PPP1R2: variants seen among roughly 807,000 people sequenced by gnomAD.
PPP1R2 encodes protein phosphatase 1 regulatory inhibitor subunit 2.
A neutral mutation model predicts 29.9 loss-of-function variants in PPP1R2; 16 were observed. The observed-to-expected ratio is 0.53, with a 90% CI of 0.36 to 0.81. PPP1R2 has a LOEUF of 0.81. Among genes scored for constraint, PPP1R2 ranks in the 30% least tolerant of loss-of-function variants. The pLI, the probability that PPP1R2 is intolerant of heterozygous loss-of-function variation, is 0.00. For missense variants in PPP1R2, 197 were observed against 252.7 expected (o/e 0.78, Z 1.49); for synonymous variants, 76 against 91.5 (o/e 0.83, Z 0.96).
intron 1 of PPP1R2, 28 bp from the exon 2 acceptor site, chr3:195,529,929 C>T: frequency 1.3e-6 from 2 of 1,503,288 alleles, no homozygotes; most frequent in Non-Finnish European, 1.8e-6. Flanking sequence ...AAACGTTTTT[C>T]CCAATGCAGA....
rs1449502824 is a variant in PPP1R2, at chr3:195,532,211, TTTTC to T, written c.123-2314_123-2311del. 2.8e-3 allele frequency among the ~76,000 whole-genome samples: 277 copies of T among 97,592 alleles called. 1 individual carries two copies. The highest frequency in any genetic ancestry group is 9.3e-3 in the African/African-American group (259 of 27,796). 64.0% of individuals were successfully genotyped at this position (97,592 alleles called of 152,430 possible). A position where few individuals can be genotyped will look rare whatever the true frequency, so the allele number is the denominator to read the frequency against. The stretch of plus-strand genomic sequence containing the variant: ...ATGCCCAGCTAATTTTTCTTTTTCT[TTTTC>T]TTTTTTTTTTTTTTTTTTTACAGGT... On this transcript the variant is annotated intron_variant, in intron 1 of 5. Coordinates refer to ENST00000618156, the MANE Select transcript of PPP1R2 (RefSeq NM_006241.8).
At chr3:195,516,969 A>C in intron 5 of PPP1R2, 27 bp from the exon 6 acceptor site, 2 of 1,589,188 alleles carry the variant, frequency 1.3e-6, no homozygotes, top group Non-Finnish European at 1.7e-6. Context: ...AAAAGTCAAC[A>C]TAATTTGTTA....
chr3:195,515,285 AAAT>A lies in PPP1R2; in HGVS notation c.*1608_*1610del, dbSNP rs1331507482. 1.3e-5 allele frequency: 2 copies of A among 153,100 alleles called. No homozygotes were observed. The highest frequency in any genetic ancestry group is 2.9e-5 in the Non-Finnish European group (2 of 68,034). 9.5% of individuals were successfully genotyped at this position (153,100 alleles called of 1,614,324 possible). A position where few individuals can be genotyped will look rare whatever the true frequency, so the allele number is the denominator to read the frequency against. On this transcript the variant is annotated 3_prime_UTR_variant, in exon 6 of 6. Coordinates refer to ENST00000618156, the MANE Select transcript of PPP1R2 (RefSeq NM_006241.8). ...ATTATATATCTCATTCAAAAAATCA[AAAT>A]AATGGCCACATTCTTCTAACAGCAA...
In PPP1R2 at chr3:195,517,661, T is replaced by C. The variant is rs150632220; in HGVS notation, c.572-719A>G. Among the ~76,000 whole-genome samples, 394 of 152,212 alleles carry C rather than the reference T, an allele frequency of 2.6e-3. 2 individuals carry two copies. Among genetic ancestry groups the C allele is most frequent in the Middle Eastern group, 0.014 (4 of 294 alleles). On this transcript the variant is annotated intron_variant, in intron 5 of 5. Coordinates refer to ENST00000618156, the MANE Select transcript of PPP1R2 (RefSeq NM_006241.8). ...ATAAGCAGAGACGGACAAAATGCCATAGTTATTTTTCAAAAGAAATGGCGT... is the reference window on the plus strand; with the variant it reads ...ATAAGCAGAGACGGACAAAATGCCACAGTTATTTTTCAAAAGAAATGGCGT...
Position 195,514,963 on chromosome 3 carries a change from CT to C in PPP1R2, c.*1932del, listed in dbSNP as rs1435592020. ...TTGTAGAAAACACAAAAAGAATCAA[CT>C]GTTTAAAGTCTTATCCTTTTCTTCA... On this transcript the variant is annotated 3_prime_UTR_variant, in exon 6 of 6. Transcript: ENST00000618156. 5.7e-6 allele frequency: 1 copy of C among 174,406 alleles called. No homozygotes were observed. Among genetic ancestry groups the C allele is most frequent in the Admixed American group, 6.3e-5 (1 of 15,918 alleles). The allele number at this position is 174,406 out of a possible 1,614,324, so 10.8% of individuals were successfully genotyped here.
At chr3:195,524,090 A>G (rs1718872560) in intron 3 of PPP1R2, among the ~76,000 whole-genome samples, 1 of 151,368 alleles carries the variant, frequency 6.6e-6, no homozygotes, top group Non-Finnish European at 1.5e-5. Context: ...CCTGTCTCAA[A>G]AAAAAAAAAA....
chr3:195,538,784 A>G (rs531602000), intron 1 of PPP1R2, among the ~76,000 whole-genome samples: 1 of 152,330 alleles, frequency 6.6e-6, no homozygotes, highest in South Asian at 2.1e-4. Flanking sequence ...TTTCTATTAC[A>G]ATAAGACTAA....
chr3:195,530,275 C>T lies in PPP1R2; in HGVS notation c.123-374G>A, dbSNP rs372668205. On this transcript the variant is annotated intron_variant, in intron 1 of 5. Transcript: ENST00000618156. The stretch of plus-strand genomic sequence containing the variant: ...TTTGATCTATATATCAGTAACTGTT[C>T]GGTAAAAAACACAACAGGAGTACTT... 1.7e-3 allele frequency among the ~76,000 whole-genome samples: 255 copies of T among 152,254 alleles called. 3 individuals are homozygous for T. Among genetic ancestry groups the T allele is most frequent in the Middle Eastern group, 0.01 (3 of 292 alleles).
chr3:195,534,026 T>C (rs1719282986), intron 1 of PPP1R2, among the ~76,000 whole-genome samples: 1 of 152,076 alleles, frequency 6.6e-6, no homozygotes, highest in South Asian at 2.1e-4. Flanking sequence ...AAATCACTAA[T>C]GAGAAAGGGC....
chr3:195,524,780 C>T (rs759582078), intron 3 of PPP1R2, 39 bp downstream of exon 3: 10 of 1,595,418 alleles, frequency 6.3e-6, no homozygotes, highest in African/African-American at 1.3e-5. Flanking sequence ...CGATTATAAA[C>T]AGCCTAAGTG....
At chr3:195,540,677 A>G (rs1010370561) in intron 1 of PPP1R2, among the ~76,000 whole-genome samples, 1 of 152,050 alleles carries the variant, frequency 6.6e-6, no homozygotes, top group African/African-American at 2.4e-5. Flanking sequence ...TGGTGGCTTT[A>G]TAAGAAGAGG....
chr3:195,525,589 G>A (rs1718941436), intron 2 of PPP1R2, among the ~76,000 whole-genome samples: 6 of 152,118 alleles, frequency 3.9e-5, no homozygotes, highest in Admixed American at 3.9e-4. Flanking sequence ...TCTTAAGATA[G>A]AGACAAAAGA....
chr3:195,522,361 A>C (rs751238794), intron 4 of PPP1R2, among the ~76,000 whole-genome samples: 6 of 152,216 alleles, frequency 3.9e-5, no homozygotes, highest in Non-Finnish European at 7.3e-5. Context: ...TTTTTCAGCC[A>C]CGTAACATCT....
intron 1 of PPP1R2, among the ~76,000 whole-genome samples, chr3:195,534,428 G>T (rs1180643359): frequency 6.6e-6 from 1 of 152,110 alleles, no homozygotes; most frequent in Non-Finnish European, 1.5e-5. Flanking sequence ...TGCCACAAAG[G>T]ACATTTATTT....
At position 195,524,938 on chromosome 3, in the gene PPP1R2, A is replaced by C. The variant is rs777567256; in HGVS notation, c.231-42T>G. 9.8e-6 allele frequency: 15 copies of C among 1,530,904 alleles called. No individual in the cohort carries two copies. The South Asian group carries it at 1.7e-4, about 17-fold the overall frequency. The allele number at this position is 1,530,904 out of a possible 1,614,324, so 94.8% of individuals were successfully genotyped here. A position where few individuals can be genotyped will look rare whatever the true frequency, so the allele number is the denominator to read the frequency against. ...ATTGTAATTAATACCTGAAACATACATTTTCAGCCACAAAAACAAGGGAGA... is the reference window on the plus strand; with the variant it reads ...ATTGTAATTAATACCTGAAACATACCTTTTCAGCCACAAAAACAAGGGAGA... On this transcript the variant is annotated intron_variant, in intron 2 of 5. Transcript: ENST00000618156.
Position 195,516,786 on chromosome 3 carries a change from C to G in PPP1R2, c.*110G>C. On this transcript the variant is annotated 3_prime_UTR_variant, in exon 6 of 6. Coordinates refer to ENST00000618156, the MANE Select transcript of PPP1R2 (RefSeq NM_006241.8). ...TTTAATTCTTGGCAATATATAATAA[C>G]TGGTATGCATTTTGGTACTTAAGTC... 1.2e-6 allele frequency: 1 copy of G among 843,748 alleles called. No individual in the cohort carries two copies. Among genetic ancestry groups the G allele is most frequent in the South Asian group, 1.5e-5 (1 of 67,218 alleles). The allele number at this position is 843,748 out of a possible 1,614,324, so 52.3% of individuals were successfully genotyped here. A position where few individuals can be genotyped will look rare whatever the true frequency, so the allele number is the denominator to read the frequency against.
rs560294625 is a variant in PPP1R2, at chr3:195,523,231, T to C, written c.403+461A>G. ...TCCCTTCCTGTGACACTACTGCTCC[T>C]TTTGATTGATGGGACCTAATAAAGA... is the stretch of plus-strand genomic sequence containing the variant. On this transcript the variant is annotated intron_variant, in intron 4 of 5. Coordinates refer to ENST00000618156, the MANE Select transcript of PPP1R2 (RefSeq NM_006241.8). 20 of 169,262 alleles carry C rather than the reference T, an allele frequency of 1.2e-4. No homozygotes were observed. In the South Asian group the frequency reaches 2.8e-3, roughly 24 times the overall value. The allele number at this position is 169,262 out of a possible 1,614,324, so 10.5% of individuals were successfully genotyped here. A position where few individuals can be genotyped will look rare whatever the true frequency, so the allele number is the denominator to read the frequency against.
intron 1 of PPP1R2, among the ~76,000 whole-genome samples, chr3:195,542,305 T>C (rs1231521821): frequency 2.0e-5 from 3 of 152,252 alleles, no homozygotes; most frequent in Admixed American, 6.5e-5. Context: ...TGTGTATCTT[T>C]AGCGTATGCA....
At chr3:195,528,531 C>CTT (rs1719059243) in intron 2 of PPP1R2, among the ~76,000 whole-genome samples, 1 of 151,944 alleles carries the variant, frequency 6.6e-6, no homozygotes, top group African/African-American at 2.4e-5. Flanking sequence ...CACCCACTGA[C>CTT]TTAAAATACA....
Sources: gnomAD v4.1 joint callset for allele counts (sites outside exome capture counted in the v4.1 genomes callset) on GRCh38, gnomAD v4.1.1 for gene constraint, MANE v1.5 for transcripts, NCBI Gene and HGNC (gene_info 2026-07-23, HGNC 2026-07-21) for gene names.